LEPR: variants seen among roughly 807,000 people sequenced by gnomAD.
The protein encoded by LEPR is OB receptor.
A neutral mutation model predicts 114.7 loss-of-function variants in LEPR; 56 were observed. The observed-to-expected ratio is 0.49, with a 90% confidence interval of 0.39 to 0.61. The LOEUF is 0.61. Ranked by LOEUF, LEPR falls within the 20% of genes least tolerant of loss-of-function variation. The pLI, the probability that LEPR is intolerant of heterozygous loss-of-function variation, is 0.00. For missense variants in LEPR, 1,202 were observed against 1,352.9 expected (o/e 0.89, Z 1.75); for synonymous variants, 443 against 461.4 (o/e 0.96, Z 0.51).
chr1:65,433,083 C>T (rs934328186), intron 2 of LEPR: 23 of 985,322 alleles, frequency 2.3e-5, no homozygotes, highest in African/African-American at 1.0e-4. Context: ...CCAGCCCCTG[C>T]GTTAGCAGGA....
At chr1:65,437,204 A>G (rs1055118268) in intron 2 of LEPR, among the ~76,000 whole-genome samples, 5 of 152,170 alleles carry the variant, frequency 3.3e-5, no homozygotes, top group African/African-American at 1.2e-4. Context: ...GGCTTGATTT[A>G]TTCAAGATTC....
chr1:65,636,859 A>C lies in LEPR; in HGVS notation c.3342A>C (p.Arg1114Ser), dbSNP rs760779157. The C allele has an allele frequency of 1.2e-6, 2 of 1,611,808 alleles. No individual in the cohort carries two copies. Among genetic ancestry groups the C allele is most frequent in the Admixed American group, 3.4e-5 (2 of 59,490 alleles). The part of the protein sequence containing the change: ...FPAPCLFTDI[R>S]VLQDSCSHFV... ...CCCCCTGTTTATTCACGGACATCAG[A>C]GTTCTCCAGGACAGTTGCTCACACT... The change falls in exon 20 of 20, where the codon AGA becomes AGC. Residue 1114 changes from arginine (R) to serine (S), a missense_variant. Arg to Ser is a moderately radical substitution (Grantham distance 110). Transcript: ENST00000349533.
At chr1:65,540,059 G>A (rs1490261290) in intron 2 of LEPR, among the ~76,000 whole-genome samples, 1 of 152,182 alleles carries the variant, frequency 6.6e-6, no homozygotes, top group Non-Finnish European at 1.5e-5. Context: ...TCTCCTGACA[G>A]TTACATGGAG....
intron 5 of LEPR, among the ~76,000 whole-genome samples, chr1:65,586,551 T>C (rs1165400108): frequency 6.6e-6 from 1 of 152,026 alleles, no homozygotes; most frequent in Non-Finnish European, 1.5e-5. Context: ...AGTTAGTATG[T>C]AAATTGAATT....
chr1:65,552,393 T>C (rs1367383100), intron 2 of LEPR, among the ~76,000 whole-genome samples: 1 of 152,198 alleles, frequency 6.6e-6, no homozygotes, highest in African/African-American at 2.4e-5. Flanking sequence ...GGTGCTCCTG[T>C]ATTGGGTGCA....
At chr1:65,536,291 A>G (rs889444492) in intron 2 of LEPR, among the ~76,000 whole-genome samples, 7 of 152,230 alleles carry the variant, frequency 4.6e-5, no homozygotes, top group African/African-American at 1.4e-4. Flanking sequence ...TGATCTCTGC[A>G]TGCTGGCTTC....
chr1:65,449,306 G>T (rs537332573), intron 2 of LEPR, among the ~76,000 whole-genome samples: 34 of 144,792 alleles, frequency 2.3e-4, no homozygotes, highest in African/African-American at 8.9e-4. Context: ...GAAAAAAAGA[G>T]CAATTGAATT....
chr1:65,446,009 G>A (rs1646709475), intron 2 of LEPR, among the ~76,000 whole-genome samples: 1 of 152,138 alleles, frequency 6.6e-6, no homozygotes, highest in African/African-American at 2.4e-5. Context: ...CCTATTTTGT[G>A]AGATACCACT....
chr1:65,423,877 G>A (rs1646304530), intron 1 of LEPR, among the ~76,000 whole-genome samples: 2 of 152,140 alleles, frequency 1.3e-5, no homozygotes, highest in African/African-American at 4.8e-5. Context: ...CTTTATCAAA[G>A]AACATTGCTA....
chr1:65,619,194 C>A (rs1657722572), intron 16 of LEPR, among the ~76,000 whole-genome samples: 1 of 152,148 alleles, frequency 6.6e-6, no homozygotes, highest in African/African-American at 2.4e-5. Context: ...AATTTATTTA[C>A]AAATTGTTGA....
Position 65,640,753 on chromosome 1 carries a change from G to A in LEPR, c.*3738G>A, listed in dbSNP as rs527969223. ...TGTATTTGTATAAACATTAGGAGAT[G>A]ATTTCCATGGCTTTTTTTTTTTTTT... On this transcript the variant is annotated 3_prime_UTR_variant, in exon 20 of 20. Transcript: ENST00000349533. 2 of 143,678 alleles carry A rather than the reference G, an allele frequency of 1.4e-5. No individual in the cohort carries two copies. The highest frequency in any genetic ancestry group is 3.0e-5 in the Non-Finnish European group (2 of 66,592). The allele number at this position is 143,678 out of a possible 1,614,324, so 8.9% of individuals were successfully genotyped here.
At chr1:65,463,676 G>A (rs1646974536) in intron 2 of LEPR, among the ~76,000 whole-genome samples, 1 of 152,084 alleles carries the variant, frequency 6.6e-6, no homozygotes, top group Admixed American at 6.5e-5. Context: ...TCTTCCATTT[G>A]TTTGTGTCCT....
intron 2 of LEPR, chr1:65,432,574 A>T (rs1406067970): frequency 1.0e-6 from 1 of 981,070 alleles, no homozygotes. Flanking sequence ...TTTAAAAAAA[A>T]AAAAAAAGTC....
chr1:65,479,692 A>G (rs1647197015), intron 2 of LEPR, among the ~76,000 whole-genome samples: 1 of 152,186 alleles, frequency 6.6e-6, no homozygotes. Flanking sequence ...GATCTTCTGT[A>G]TATCCGTCAT....
rs1238746642 is a variant in LEPR at position 65,592,701 on chromosome 1, G to A, written c.539G>A (p.Ser180Asn). 6.2e-7 allele frequency: 1 copy of A among 1,613,110 alleles called. No individual in the cohort carries two copies. Among genetic ancestry groups the A allele is most frequent in the East Asian group, 2.2e-5 (1 of 44,874 alleles). ...EDSPLVPQKG[S>N]FQMVHCNCSV... ...TCACCTCTGGTTCCCCAAAAAGGCA[G>A]TTTTCAGATGGTTCACTGCAATTGC... Residue 180 changes from serine to asparagine, a missense_variant, in exon 6 of 20, where the codon AGT becomes AAT. Coordinates refer to ENST00000349533, the MANE Select transcript of LEPR (RefSeq NM_002303.6).
intron 19 of LEPR, 35 bp from the exon 20 acceptor site, chr1:65,636,156 C>T (rs1039959118): frequency 1.4e-5 from 23 of 1,612,034 alleles, no homozygotes; most frequent in Non-Finnish European, 2.0e-5. Context: ...AATTTTTTAA[C>T]ATAATTGAGC....
In LEPR at chr1:65,636,311, G is replaced by A. The variant is rs775396567; in HGVS notation, c.2794G>A (p.Asp932Asn). The A allele has an allele frequency of 2.7e-5, 43 of 1,613,886 alleles. No homozygotes were observed. The South Asian group carries it at 4.4e-4, about 16-fold the overall frequency. Reference sequence around the variant, plus strand: ...TGTTGATACATCATGGAAAAATAAAGATGAGATGATGCCAACAACTGTGGT... The same window carrying A: ...TGTTGATACATCATGGAAAAATAAAAATGAGATGATGCCAACAACTGTGGT... ...ISVDTSWKNK[D>N]EMMPTTVVSL... is the part of the protein sequence containing the mutation. The change falls in exon 20 of 20, where the codon GAT (aspartate) becomes AAT (asparagine). Residue 932 changes from aspartate to asparagine, a missense_variant. Coordinates refer to ENST00000349533, the MANE Select transcript of LEPR (RefSeq NM_002303.6).
At chr1:65,623,158 G>T in intron 19 of LEPR, 177 bp downstream of exon 19, 2 of 659,892 alleles carry the variant, frequency 3.0e-6, no homozygotes, top group Middle Eastern at 4.3e-4. Flanking sequence ...TTTGAAATCA[G>T]GAAGAAACAA....
At position 65,550,358 on chromosome 1, in the gene LEPR, A is replaced by G. The variant is rs536061820; in HGVS notation, c.-20-15188A>G. Among the ~76,000 whole-genome samples, 142 of 152,230 alleles carry G rather than the reference A, an allele frequency of 9.3e-4. No individual in the cohort carries two copies. The Middle Eastern group carries it at 0.048, about 51-fold the overall frequency. ...GCTCTCTTCAACGCTGTCAGACAGG[A>G]ACATTTAAGTCTGCAGAGGTTACTG... On this transcript the variant is annotated intron_variant, in intron 2 of 19. Coordinates refer to ENST00000349533, the MANE Select transcript of LEPR (RefSeq NM_002303.6).
Sources: allele counts gnomAD v4.1 joint callset (sites outside exome capture counted in the v4.1 genomes callset), GRCh38; gene constraint gnomAD v4.1.1; transcripts MANE v1.5; gene names NCBI Gene and HGNC (gene_info 2026-07-23, HGNC 2026-07-21).